WDR45: variants seen among roughly 807,000 people sequenced by gnomAD.
The protein encoded by WDR45 is WD repeat domain 45.
A neutral mutation model predicts 27.3 loss-of-function variants in WDR45; 2 were observed. That is an observed-to-expected ratio of 0.07 (90% CI 0.03 to 0.23). WDR45 has a LOEUF of 0.23. WDR45 is among the 10% of genes least tolerant of loss of function. The probability of loss-of-function intolerance (pLI) is 1.00; values close to 1 mark genes in which losing one functional copy is unlikely to be tolerated. For synonymous variants in WDR45, 99 were observed against 119.2 expected (o/e 0.83, Z 1.11); for missense variants, 175 against 311.9 (o/e 0.56, Z 3.31).
At chrX:49,091,051 C>G (rs1238052708) in intron 2 of WDR45, among the ~76,000 whole-genome samples, 1 of 109,911 alleles carries the variant, frequency 9.1e-6, no homozygotes. Context: ...CCTCAATCTC[C>G]TGACCTCGTG....
intron 2 of WDR45, among the ~76,000 whole-genome samples, chrX:49,089,148 C>T (rs1348739355): frequency 1.8e-5 from 2 of 110,413 alleles, no homozygotes; most frequent in Admixed American, 9.7e-5. Context: ...ATTAGCTGGG[C>T]GTGGTGGCGC....
At chrX:49,076,379 G>A (rs782248116) in intron 6 of WDR45, 51 bp downstream of exon 6, 3 of 1,154,671 alleles carry the variant, frequency 2.6e-6, no homozygotes, top group Non-Finnish European at 3.5e-6. Flanking sequence ...CTGCCCCTCT[G>A]CCCCATCCAC....
upstream of WDR45, among the ~76,000 whole-genome samples, chrX:49,081,165 C>T (rs1197797791): frequency 9.3e-6 from 1 of 107,625 alleles, no homozygotes; most frequent in Non-Finnish European, 1.9e-5. Flanking sequence ...CTCGGCCCCC[C>T]AAAGTGTTGG....
chrX:49,098,229 T>A (rs1052842303), intron 2 of WDR45, among the ~76,000 whole-genome samples: 27 of 110,439 alleles, frequency 2.4e-4, no homozygotes, highest in Admixed American at 2.0e-4. Flanking sequence ...GCATGGAGGC[T>A]CATGCCTGTA....
intron 2 of WDR45, among the ~76,000 whole-genome samples, chrX:49,087,850 T>C (rs1300883985): frequency 8.9e-6 from 1 of 112,600 alleles, no homozygotes. Flanking sequence ...TGAGCCATGA[T>C]TGTGCCACTG....
rs2065026946 is a variant in WDR45, at chrX:49,074,870, G to T, written c.1016C>A (p.Pro339His). The T allele has an allele frequency of 5.8e-6, 7 of 1,210,201 alleles. No homozygotes were observed. In the African/African-American group the frequency reaches 1.2e-4, roughly 21 times the overall value. Residue 339 changes from proline (P) to histidine (H), a missense_variant, in exon 11 of 11, where the codon CCT (proline) becomes CAT (histidine). By Grantham distance (77) the Pro-to-His change is moderately conservative. Around this residue, in one of 3 missense-constraint regions of WDR45, gnomAD observed 71 missense variants for 123.0 expected, o/e 0.58. Transcript: ENST00000376372. ...AGCCTCTCTGTTGCAGTTTCCATCA[G>T]GAGTGAAGACATATTTGTGGAAGGT... is the stretch of plus-strand genomic sequence containing the variant. The part of the protein sequence containing the change: ...DGTFHKYVFT[P>H]DGNCNREAFD...
At chrX:49,076,374 C>T in intron 6 of WDR45, 56 bp downstream of exon 6, 1 of 1,141,876 alleles carries the variant, frequency 8.8e-7, no homozygotes, top group Non-Finnish European at 1.2e-6. Context: ...CATCTCTGCC[C>T]CTCTGCCCCA....
chrX:49,090,864 C>T (rs1162593553), intron 2 of WDR45, among the ~76,000 whole-genome samples: 1 of 104,545 alleles, frequency 9.6e-6, no homozygotes, highest in Non-Finnish European at 2.0e-5. Context: ...GACGGAGTCT[C>T]GCTCTGTCAC....
intron 2 of WDR45, among the ~76,000 whole-genome samples, chrX:49,099,786 A>AAC (rs2065138838): frequency 1.0e-5 from 1 of 100,491 alleles, no homozygotes; most frequent in African/African-American, 3.7e-5. Flanking sequence ...GTCTCAAAAA[A>AAC]AAAAAAACAA....
In WDR45 at chrX:49,075,652, T is replaced by C. The variant is rs782757176; in HGVS notation, c.618A>G (p.Val206=). ...TACCCTTCTGGGAGGCTGAGGCCAC[T>C]ACAGTGCCTGGCTGGTTTAGAGACA... The part of the protein sequence containing the change: ...ACVSLNQPGT[V]VASASQKGTL... The change falls in exon 8 of 11, where the codon GTA becomes GTG. Residue 206 remains valine (V), a synonymous_variant. Transcript: ENST00000376372. 9.1e-6 allele frequency: 11 copies of C among 1,209,527 alleles called. No homozygotes were observed. The highest frequency in any genetic ancestry group is 1.2e-5 in the Non-Finnish European group (11 of 894,993).
intron 2 of WDR45, among the ~76,000 whole-genome samples, chrX:49,097,954 G>A (rs1285078721): frequency 3.7e-5 from 4 of 109,173 alleles, no homozygotes; most frequent in East Asian, 2.9e-4. Flanking sequence ...CACTGTGCCC[G>A]GCCTATTTAT....
intron 1 of WDR45, among the ~76,000 whole-genome samples, 198 bp from the exon 2 acceptor site, chrX:49,078,310 T>G (rs1386425770): frequency 8.9e-6 from 1 of 112,183 alleles, no homozygotes; most frequent in Admixed American, 9.4e-5. Flanking sequence ...TCACCTGAGG[T>G]CAGGAGTTTG....
chrX:49,090,896 C>T (rs1187381841), intron 2 of WDR45, among the ~76,000 whole-genome samples: 2 of 106,922 alleles, frequency 1.9e-5, no homozygotes, highest in Non-Finnish European at 3.9e-5. Flanking sequence ...TGCGGTGGCG[C>T]GATCTCGGCT....
upstream of WDR45, among the ~76,000 whole-genome samples, chrX:49,083,040 C>T (rs962445297): frequency 8.1e-5 from 9 of 111,393 alleles, no homozygotes; most frequent in Middle Eastern, 4.2e-3. Flanking sequence ...CCACCACGCC[C>T]GGCTAATTTT....
intron 2 of WDR45, among the ~76,000 whole-genome samples, chrX:49,094,498 GGGGTTTC>G (rs1557087043): frequency 4.5e-5 from 5 of 110,112 alleles, no homozygotes; most frequent in African/African-American, 1.6e-4. Flanking sequence ...TTGTAGAGAC[GGGGTTTC>G]CCCACGTTGC....
intron 2 of WDR45, chrX:49,100,093 A>G (rs1277053025): frequency 9.0e-6 from 1 of 111,226 alleles, no homozygotes; most frequent in Non-Finnish European, 1.9e-5. Context: ...CCCCAGGGCA[A>G]TGAACTGGGC....
At chrX:49,078,822 C>T (rs1179231243) in intron 1 of WDR45, among the ~76,000 whole-genome samples, 1 of 112,547 alleles carries the variant, frequency 8.9e-6, no homozygotes, top group Non-Finnish European at 1.9e-5. Flanking sequence ...GACCTAGCAC[C>T]GGACTCTCTC....
chrX:49,095,224 T>C (rs1459195341), intron 2 of WDR45, among the ~76,000 whole-genome samples: 2 of 111,175 alleles, frequency 1.8e-5, no homozygotes, highest in African/African-American at 6.5e-5. Context: ...TGAAAATTAC[T>C]GTTGCGGCTG....
intron 1 of WDR45, 89 bp from the exon 2 acceptor site, chrX:49,078,201 A>T: frequency 5.7e-6 from 5 of 872,945 alleles, no homozygotes; most frequent in Non-Finnish European, 8.3e-6. Context: ...TACTCTGCTA[A>T]CTACTGACTC....
Sources: allele counts gnomAD v4.1 joint callset (sites outside exome capture counted in the v4.1 genomes callset), GRCh38; gene constraint gnomAD v4.1.1; regional missense constraint gnomAD v4.1.1; transcripts MANE v1.5; gene names NCBI Gene and HGNC (gene_info 2026-07-23, HGNC 2026-07-21).